SGSM3: variants seen among roughly 807,000 people sequenced by gnomAD.
SGSM3 encodes RUN and SH3 containing 3.
SGSM3 carries 96 observed loss-of-function variants against 100.5 expected under a neutral mutation model. That is an observed-to-expected ratio of 0.96 (90% CI 0.81 to 1.13). The LOEUF (loss-of-function observed/expected upper bound fraction) is 1.13, where lower values mean the gene tolerates loss of function less well. Ranked by LOEUF, SGSM3 falls within the 50% of genes most tolerant of loss-of-function variation. The pLI is 0.00. For synonymous variants in SGSM3, 483 were observed against 422.8 expected, an observed-to-expected ratio of 1.14 and a Z score of -1.75; for missense variants, 1,001 against 1,015.8, an observed-to-expected ratio of 0.99 and a Z score of 0.20.
Position 40,407,238 on chromosome 22 carries a change from C to G in SGSM3, c.1278C>G (p.Ile426Met). 1 of 1,613,696 alleles carries G rather than the reference C, an allele frequency of 6.2e-7. No homozygotes were observed. Among genetic ancestry groups the G allele is most frequent in the Non-Finnish European group, 8.5e-7 (1 of 1,180,032 alleles). ...DDLEALKAKNIKQTELVADLR... is the reference protein window; with the variant it reads ...DDLEALKAKNMKQTELVADLR... ...TGGAGGCACTCAAGGCCAAGAACAT[C>G]AAGCAGACGGAACTGGTGGCTGACC... is the stretch of plus-strand genomic sequence containing the variant. Residue 426 changes from isoleucine to methionine, a missense_variant, in exon 12 of 22, where the codon ATC (isoleucine) becomes ATG (methionine). Transcript: ENST00000248929. The surrounding 1 kb of genome is among the most constrained non-coding windows in gnomAD (Gnocchi z 4.7).
chr22:40,407,611 G>C lies in SGSM3; in HGVS notation c.1524+43G>C. ...ACTACCAGGTCCTCAGGCTGTGGCG[G>C]GTTCCCCAGACTCCCTCCACCAAGC... On this transcript the variant is annotated intron_variant, in intron 13 of 21. Transcript: ENST00000248929. The surrounding 1 kb of genome is among the most constrained non-coding windows in gnomAD (Gnocchi z 4.7). 6.3e-7 allele frequency: 1 copy of C among 1,591,584 alleles called. No homozygotes were observed. Among genetic ancestry groups the C allele is most frequent in the Non-Finnish European group, 8.5e-7 (1 of 1,172,952 alleles).
Position 40,409,697 on chromosome 22 carries a change from A to G in SGSM3, c.2188A>G (p.Lys730Glu), listed in dbSNP as rs1350033384. 6 of 1,613,328 alleles carry G rather than the reference A, an allele frequency of 3.7e-6. No individual in the cohort carries two copies. The highest frequency in any genetic ancestry group is 5.1e-6 in the Non-Finnish European group (6 of 1,179,758). The change falls in exon 22 of 22, where the codon AAG becomes GAG. Residue 730 changes from lysine (K) to glutamate (E), a missense_variant. Coordinates refer to ENST00000248929, the MANE Select transcript of SGSM3 (RefSeq NM_015705.6). Reference sequence around the variant, plus strand: ...CTGTTTGCAGGCGCAGCAGCCCCTGAAGGAGGGCGTCCGGGACATGCTGGT... The same window carrying G: ...CTGTTTGCAGGCGCAGCAGCCCCTGGAGGAGGGCGTCCGGGACATGCTGGT... Reference protein sequence around the residue: ...PAKREAQQPLKEGVRDMLVKH... With the variant: ...PAKREAQQPLEEGVRDMLVKH...
intron 1 of SGSM3, among the ~76,000 whole-genome samples, chr22:40,371,552 G>T (rs570891394): frequency 6.6e-6 from 1 of 152,274 alleles, no homozygotes; most frequent in African/African-American, 2.4e-5. Context: ...TGACAGGTTT[G>T]TGATTAGGTT....
intron 16 of SGSM3, 97 bp from the exon 17 acceptor site, chr22:40,408,530 A>G (rs1460536233): frequency 8.2e-6 from 13 of 1,587,490 alleles, no homozygotes; most frequent in Admixed American, 1.7e-5. Context: ...GAGGATGGGA[A>G]GAGCTGGCAG....
At chr22:40,401,795 C>T in intron 3 of SGSM3, 120 bp downstream of exon 3, 1 of 787,554 alleles carries the variant, frequency 1.3e-6, no homozygotes. Context: ...GAGTTCCCCA[C>T]CAGAGATGGT....
At chr22:40,377,315 G>A (rs1601722070) in intron 1 of SGSM3, among the ~76,000 whole-genome samples, 1 of 152,208 alleles carries the variant, frequency 6.6e-6, no homozygotes, top group East Asian at 1.9e-4. Flanking sequence ...TCAATAAACA[G>A]TTGCAGCTCC....
At chr22:40,371,041 A>G (rs751953026) in intron 1 of SGSM3, among the ~76,000 whole-genome samples, 3 of 152,228 alleles carry the variant, frequency 2.0e-5, no homozygotes, top group Non-Finnish European at 2.9e-5. Context: ...GGGGCTTTCT[A>G]AAAAGAGCCT....
At chr22:40,390,558 G>C (rs949627908) in intron 1 of SGSM3, 2 of 152,236 alleles carry the variant, frequency 1.3e-5, no homozygotes, top group Non-Finnish European at 2.9e-5. Context: ...TTGCTGGCAT[G>C]TAGGATAAAT....
intron 10 of SGSM3, 52 bp from the exon 11 acceptor site, chr22:40,406,965 G>A: frequency 6.5e-7 from 1 of 1,533,368 alleles, no homozygotes; most frequent in Non-Finnish European, 8.8e-7. Flanking sequence ...GGGCTGGTGG[G>A]TTCTCTTCCT....
At position 40,410,027 on chromosome 22, in the gene SGSM3, AGGAAGAG is replaced by A. The variant is rs1331416658; in HGVS notation, c.*274_*280del. 10 of 1,319,882 alleles carry A rather than the reference AGGAAGAG, an allele frequency of 7.6e-6. No homozygotes were observed. The East Asian group carries it at 1.5e-4, about 20-fold the overall frequency. The allele number at this position is 1,319,882 out of a possible 1,614,324, so 81.8% of individuals were successfully genotyped here. A position where few individuals can be genotyped will look rare whatever the true frequency, so the allele number is the denominator to read the frequency against. ...AGGTGGGGGAGCCATGTCTGTGCTC[AGGAAGAG>A]GGAAGGGGATGGGGGTGGCTAGTAG... On this transcript the variant is annotated 3_prime_UTR_variant, in exon 22 of 22. Transcript: ENST00000248929.
chr22:40,403,313 G>A (rs1012837884), intron 4 of SGSM3, among the ~76,000 whole-genome samples: 4 of 152,194 alleles, frequency 2.6e-5, no homozygotes, highest in Non-Finnish European at 5.9e-5. Context: ...TCACCCAGGG[G>A]TTGCTGGGCT....
chr22:40,410,228 ACCCGGGACCCAGCTGT>A lies in SGSM3; in HGVS notation c.*470_*485del. 9.6e-7 allele frequency: 1 copy of A among 1,038,976 alleles called. No individual in the cohort carries two copies. The highest frequency in any genetic ancestry group is 4.6e-5 in the South Asian group (1 of 21,718). The allele number at this position is 1,038,976 out of a possible 1,614,324, so 64.4% of individuals were successfully genotyped here. A position where few individuals can be genotyped will look rare whatever the true frequency, so the allele number is the denominator to read the frequency against. Reference sequence around the variant, plus strand: ...CCCCTCAGATGCTGGGACACAACAGACCCGGGACCCAGCTGTGCTACCCACCCCTTCCATGGACTGA... The same window carrying A: ...CCCCTCAGATGCTGGGACACAACAGAGCTACCCACCCCTTCCATGGACTGA... On this transcript the variant is annotated 3_prime_UTR_variant, in exon 22 of 22. Coordinates refer to ENST00000248929, the MANE Select transcript of SGSM3 (RefSeq NM_015705.6).
rs373804893 is a variant in SGSM3, at chr22:40,406,120, C to T, written c.857C>T (p.Ala286Val). The T allele has an allele frequency of 2.5e-6, 4 of 1,614,002 alleles. No homozygotes were observed. In the African/African-American group the frequency reaches 5.3e-5, roughly 22 times the overall value. ...CTGCACTGGTTCCTCACGGCCTTCG[C>T]CAGCGTGGTGGACATCAAGCTGCTC... ...ITLHWFLTAF[A>V]SVVDIKLLLR... Residue 286 changes from alanine to valine, a missense_variant, in exon 9 of 22, where the codon GCC becomes GTC. Transcript: ENST00000248929.
Position 40,408,125 on chromosome 22 carries a change from G to T in SGSM3, c.1629+5G>T. ...CTGGATGAGCGCAGCAAAGAGGTGA[G>T]GGGGGTGGGCGGGCTAGGCACGGCT... is the stretch of plus-strand genomic sequence containing the variant. On this transcript the variant is annotated splice_donor_5th_base_variant and intron_variant, in intron 15 of 21. Transcript: ENST00000248929. 1.2e-6 allele frequency: 2 copies of T among 1,610,208 alleles called. No homozygotes were observed. Among genetic ancestry groups the T allele is most frequent in the Middle Eastern group, 1.7e-4 (1 of 6,050 alleles).
intron 1 of SGSM3, chr22:40,372,674 G>C (rs2045819348): frequency 6.6e-6 from 1 of 152,210 alleles, no homozygotes. Flanking sequence ...TATTGAGAAG[G>C]GAAGGGAGGA....
intron 1 of SGSM3, among the ~76,000 whole-genome samples, chr22:40,380,867 C>T (rs572478291): frequency 2.6e-5 from 4 of 152,000 alleles, no homozygotes; most frequent in East Asian, 3.9e-4. Context: ...CCTGGGAGGT[C>T]GAGGCTGCAG....
At chr22:40,385,515 A>G (rs1245764321) in intron 1 of SGSM3, among the ~76,000 whole-genome samples, 3 of 152,202 alleles carry the variant, frequency 2.0e-5, no homozygotes, top group African/African-American at 7.2e-5. Flanking sequence ...GTAGGAAGGA[A>G]GAAAACCACT....
In SGSM3 at chr22:40,408,126, G is replaced by C. The variant is rs764478409; in HGVS notation, c.1629+6G>C. On this transcript the variant is annotated splice_donor_region_variant and intron_variant, in intron 15 of 21. Transcript: ENST00000248929. ...TGGATGAGCGCAGCAAAGAGGTGAG[G>C]GGGGTGGGCGGGCTAGGCACGGCTG... 1.1e-5 allele frequency: 18 copies of C among 1,610,920 alleles called. No homozygotes were observed. The Admixed American group carries it at 2.3e-4, about 21-fold the overall frequency.
intron 1 of SGSM3, among the ~76,000 whole-genome samples, chr22:40,386,037 G>GT (rs1056393605): frequency 1.2e-4 from 18 of 145,878 alleles, no homozygotes; most frequent in East Asian, 2.0e-4. Context: ...TTTTTTTTTT[G>GT]TTTTTTTTGT....
Sources: allele counts gnomAD v4.1 joint callset (sites outside exome capture counted in the v4.1 genomes callset), GRCh38; gene constraint gnomAD v4.1.1; non-coding constraint Gnocchi (gnomAD v3.1); transcripts MANE v1.5; gene names NCBI Gene and HGNC (gene_info 2026-07-23, HGNC 2026-07-21).